The following DENND5B variants were observed in gnomAD, a reference collection of about 807,000 sequenced individuals.
DENND5B encodes the protein DENN domain containing 5B.
Under a neutral mutation model 140.6 loss-of-function variants are expected in DENND5B, and 34 were observed. That is an observed-to-expected ratio of 0.24 (90% confidence interval 0.18 to 0.32). The LOEUF (loss-of-function observed/expected upper bound fraction) is 0.32. Among genes scored for constraint, DENND5B ranks in the 10% least tolerant of loss-of-function variants. DENND5B has a pLI of 1.00. For missense variants in DENND5B, 1,142 were observed against 1,560.2 expected, an observed-to-expected ratio of 0.73 and a Z score of 4.52; for synonymous variants, 551 against 562.1, an observed-to-expected ratio of 0.98 and a Z score of 0.28.
chr12:31,535,238 G>C (rs1468284076), intron 1 of DENND5B: 1 of 213,778 alleles, frequency 4.7e-6, no homozygotes, highest in Non-Finnish European at 9.3e-6. Context: ...TGTGCTATCA[G>C]CTCAGGGACC....
intron 3 of DENND5B, among the ~76,000 whole-genome samples, chr12:31,478,174 AT>A (rs1173676300): frequency 2.0e-5 from 3 of 152,224 alleles, no homozygotes; most frequent in African/African-American, 7.2e-5. Flanking sequence ...CATGAAACAC[AT>A]TATCAAAGAA....
chr12:31,383,982 A>AT lies in DENND5B; in HGVS notation c.*3620dup, dbSNP rs1484354046. The stretch of plus-strand genomic sequence containing the variant: ...CAGGAAAAAAACAAATTAAATATTG[A>AT]TTTTTTTATTTACTTTGAGATGTAA... On this transcript the variant is annotated 3_prime_UTR_variant, in exon 21 of 21. Transcript: ENST00000389082. The AT allele has an allele frequency of 6.6e-6, 1 of 152,164 alleles. No individual in the cohort carries two copies. 9.4% of individuals were successfully genotyped at this position (152,164 alleles called of 1,614,324 possible).
rs895670091 is a variant in DENND5B at position 31,425,714 on chromosome 12, T to C, written c.2238+579A>G. On this transcript the variant is annotated intron_variant, in intron 9 of 20. Transcript: ENST00000389082. ...CACTATATACTGATGCTGAAAATAGTAGTACATTTATTGAATATGCAGAGA... is the reference window on the plus strand; with the variant it reads ...CACTATATACTGATGCTGAAAATAGCAGTACATTTATTGAATATGCAGAGA... Among the ~76,000 whole-genome samples the C allele has an allele frequency of 4.6e-5, 7 of 152,224 alleles. 1 individual carries two copies. In the South Asian group the frequency reaches 1.4e-3, roughly 32 times the overall value.
intron 1 of DENND5B, among the ~76,000 whole-genome samples, chr12:31,566,896 T>C (rs903026243): frequency 2.0e-5 from 3 of 152,046 alleles, no homozygotes; most frequent in African/African-American, 7.2e-5. Context: ...TTCGGTGGAG[T>C]GTGCCTGTTC....
At chr12:31,439,873 T>C (rs181306186) in intron 7 of DENND5B, among the ~76,000 whole-genome samples, 26 of 127,090 alleles carry the variant, frequency 2.0e-4, no homozygotes, top group African/African-American at 8.0e-4. Context: ...GAGGTTGCGG[T>C]GAGCTGAGAT....
At chr12:31,445,344 G>C (rs540247498) in intron 6 of DENND5B, among the ~76,000 whole-genome samples, 1 of 152,218 alleles carries the variant, frequency 6.6e-6, no homozygotes, top group South Asian at 2.1e-4. Flanking sequence ...ACCAACCACA[G>C]GCAAGTTACT....
intron 1 of DENND5B, among the ~76,000 whole-genome samples, chr12:31,553,886 C>A (rs1949168034): frequency 6.6e-6 from 1 of 151,986 alleles, no homozygotes; most frequent in Non-Finnish European, 1.5e-5. Context: ...GGATTGCAAC[C>A]CCTGCCTTTT....
At chr12:31,500,030 A>G (rs1358955972) in intron 1 of DENND5B, among the ~76,000 whole-genome samples, 1 of 152,194 alleles carries the variant, frequency 6.6e-6, no homozygotes, top group Non-Finnish European at 1.5e-5. Flanking sequence ...CCCTTATCCA[A>G]AATGCTTAGG....
intron 13 of DENND5B, among the ~76,000 whole-genome samples, chr12:31,411,524 T>C (rs1942462026): frequency 6.6e-6 from 1 of 151,836 alleles, no homozygotes; most frequent in African/African-American, 2.4e-5. Context: ...TTTGTATTTT[T>C]AGTAGAGACG....
intron 1 of DENND5B, 174 bp downstream of exon 1, chr12:31,590,532 G>A (rs1950583182): frequency 6.3e-6 from 5 of 791,902 alleles, no homozygotes; most frequent in South Asian, 2.5e-5. Flanking sequence ...CCCGCACGCG[G>A]AATAAATAAC....
At chr12:31,406,290 A>T (rs1381574778) in intron 14 of DENND5B, among the ~76,000 whole-genome samples, 1 of 152,178 alleles carries the variant, frequency 6.6e-6, no homozygotes, top group Non-Finnish European at 1.5e-5. Flanking sequence ...AGGTGCCTAG[A>T]TATAGCCTCA....
intron 1 of DENND5B, among the ~76,000 whole-genome samples, chr12:31,556,988 C>G (rs983802307): frequency 6.6e-6 from 1 of 152,102 alleles, no homozygotes; most frequent in Non-Finnish European, 1.5e-5. Context: ...AAAACAACCT[C>G]AGAATCTATA....
At chr12:31,388,445 A>G (rs552552044) in intron 20 of DENND5B, among the ~76,000 whole-genome samples, 11 of 152,238 alleles carry the variant, frequency 7.2e-5, no homozygotes, top group African/African-American at 2.6e-4. Flanking sequence ...AGAAATACAG[A>G]ACTTAGTTCT....
chr12:31,405,572 G>T (rs1942083146), intron 14 of DENND5B, among the ~76,000 whole-genome samples: 1 of 150,530 alleles, frequency 6.6e-6, no homozygotes, highest in African/African-American at 2.4e-5. Flanking sequence ...TTTTGAGGCA[G>T]AGTTTCACTC....
chr12:31,532,426 G>A (rs894871575), intron 1 of DENND5B, among the ~76,000 whole-genome samples: 10 of 152,134 alleles, frequency 6.6e-5, no homozygotes, highest in Non-Finnish European at 1.5e-4. Flanking sequence ...AACAGCAATG[G>A]AAAAATCACT....
intron 1 of DENND5B, among the ~76,000 whole-genome samples, chr12:31,572,016 G>A (rs936219153): frequency 2.0e-5 from 3 of 152,058 alleles, no homozygotes; most frequent in Non-Finnish European, 4.4e-5. Flanking sequence ...TGTGAGGTCG[G>A]GAGCTCAAGA....
chr12:31,535,973 C>T (rs1282468994), intron 1 of DENND5B, among the ~76,000 whole-genome samples: 2 of 93,000 alleles, frequency 2.2e-5, no homozygotes, highest in South Asian at 3.4e-4. Context: ...TTAGAGCCAT[C>T]CCCTCGGTAC....
At chr12:31,433,340 A>T in intron 7 of DENND5B, 92 bp from the exon 8 acceptor site, 1 of 1,077,048 alleles carries the variant, frequency 9.3e-7, no homozygotes, top group South Asian at 1.7e-5. Context: ...CACACATTTT[A>T]AAATCAATTA....
At chr12:31,564,942 AT>A (rs1314251298) in intron 1 of DENND5B, among the ~76,000 whole-genome samples, 1 of 152,078 alleles carries the variant, frequency 6.6e-6, no homozygotes, top group East Asian at 1.9e-4. Context: ...TTCAGCGGAG[AT>A]GGCATCAAAA....
Sources: allele counts gnomAD v4.1 joint callset (sites outside exome capture counted in the v4.1 genomes callset), GRCh38; gene constraint gnomAD v4.1.1; transcripts MANE v1.5; gene names NCBI Gene and HGNC (gene_info 2026-07-23, HGNC 2026-07-21).